Variants in PHRF1 observed in about 807,000 individuals in gnomAD.
PHRF1 encodes PHD and ring finger domains 1, also known as PHD and RING finger domain-containing protein 1.
PHRF1 carries 53 observed loss-of-function variants against 128.9 expected under a neutral mutation model. That is an observed-to-expected ratio of 0.41 (90% confidence interval 0.33 to 0.52). The LOEUF (loss-of-function observed/expected upper bound fraction) is 0.52. Among genes scored for constraint, PHRF1 ranks in the 20% least tolerant of loss-of-function variants. The pLI is 0.21. For missense variants in PHRF1, 2,503 were observed against 2,284.5 expected, an observed-to-expected ratio of 1.10 and a Z score of -1.95; for synonymous variants, 1,178 against 980.6, an observed-to-expected ratio of 1.20 and a Z score of -3.76.
At chr11:596,796 A>C in intron 6 of PHRF1, 127 bp from the exon 7 acceptor site, 1 of 709,564 alleles carries the variant, frequency 1.4e-6, no homozygotes, top group Non-Finnish European at 2.5e-6. Flanking sequence ...GATGTGGGTC[A>C]GCCCATAACA....
At chr11:605,383 G>A in intron 11 of PHRF1, 83 bp downstream of exon 11, 3 of 1,541,792 alleles carry the variant, frequency 1.9e-6, no homozygotes, top group Non-Finnish European at 2.6e-6. Context: ...GGTGCATGCG[G>A]AGGCGTTAGG....
Position 612,026 on chromosome 11 carries a change from A to T in PHRF1, c.*249A>T. The T allele has an allele frequency of 1.9e-6, 1 of 522,222 alleles. No homozygotes were observed. The highest frequency in any genetic ancestry group is 1.9e-5 in the African/African-American group (1 of 52,084). 32.3% of individuals were successfully genotyped at this position (522,222 alleles called of 1,614,324 possible). A position where few individuals can be genotyped will look rare whatever the true frequency, so the allele number is the denominator to read the frequency against. ...TGTATATTATAGAGACACTGTTTCC[A>T]TTCTAATTTATCAAAAATGGATTAT... On this transcript the variant is annotated 3_prime_UTR_variant, in exon 18 of 18. Coordinates refer to ENST00000264555, the MANE Select transcript of PHRF1 (RefSeq NM_001286581.2).
rs1021210090 is a variant in PHRF1, at chr11:606,520, G to C, written c.1533G>C (p.Ser511=). The C allele has an allele frequency of 4.3e-6, 7 of 1,609,610 alleles. No individual in the cohort carries two copies. The East Asian group carries it at 8.9e-5, about 20-fold the overall frequency. ...CTGACCTGCTGGGCAGCATCCTGTC[G>C]GGCCAGAGCCTCCTGATGCTGGGCA... ...PVPDLLGSIL[S]GQSLLMLGSS... is the part of the protein sequence containing the mutation. Residue 511 remains serine, a synonymous_variant, in exon 13 of 18, where the codon TCG becomes TCC. Transcript: ENST00000264555.
chr11:595,765 T>G (rs1855239741), intron 6 of PHRF1, among the ~76,000 whole-genome samples: 1 of 152,252 alleles, frequency 6.6e-6, no homozygotes, highest in Admixed American at 6.5e-5. Context: ...GAAAGTGGGT[T>G]GGACGTTTTC....
chr11:599,253 C>CTTTTTTTTTTTTTTTTTT (rs754658303), intron 9 of PHRF1, among the ~76,000 whole-genome samples: 149 of 104,960 alleles, frequency 1.4e-3, no homozygotes, highest in Non-Finnish European at 1.8e-3. Context: ...TTTTTCTTTT[C>CTTTTTTTTTTTTTTTTTT]TTTTTTTTTT....
At position 605,857 on chromosome 11, in the gene PHRF1, G is replaced by A. The variant is rs7943961; in HGVS notation, c.1454+133G>A. 8.3e-3 allele frequency: 11,147 copies of A among 1,350,114 alleles called. 748 individuals carry two copies. The African/African-American group carries it at 0.14, about 17-fold the overall frequency. 83.6% of individuals were successfully genotyped at this position (1,350,114 alleles called of 1,614,324 possible). ...GTCAGCACCTCCCCTCAGCTGTCAT[G>A]CTCATCAGTCGGCCCTTGGCGTGAG... On this transcript the variant is annotated intron_variant, in intron 12 of 17. Coordinates refer to ENST00000264555, the MANE Select transcript of PHRF1 (RefSeq NM_001286581.2).
rs758596054 is a variant in PHRF1 at position 608,922 on chromosome 11, C to T, written c.3466C>T (p.Arg1156Ter). 1 of 1,612,024 alleles carries T rather than the reference C, an allele frequency of 6.2e-7. No homozygotes were observed. Among genetic ancestry groups the T allele is most frequent in the Non-Finnish European group, 8.5e-7 (1 of 1,179,716 alleles). Reference sequence around the variant, plus strand: ...CAGGAAGGAGAGTGTGGCGTGGCCCCGAGACCGGAGGAAGCGGAGGTCCCG... The same window carrying T: ...CAGGAAGGAGAGTGTGGCGTGGCCCTGAGACCGGAGGAAGCGGAGGTCCCG... Reference protein sequence around the residue: ...PDRKESVAWPRDRRKRRSRSP... With the variant: ...PDRKESVAWP The change falls in exon 14 of 18, where the codon CGA (arginine) becomes TGA (stop). Residue 1156 changes from arginine to a stop codon, truncating the protein, a stop_gained. Coordinates refer to ENST00000264555, the MANE Select transcript of PHRF1 (RefSeq NM_001286581.2). LOFTEE classifies it high-confidence loss of function.
chr11:585,199 T>C (rs564184155), intron 3 of PHRF1, among the ~76,000 whole-genome samples: 15 of 152,300 alleles, frequency 9.8e-5, no homozygotes, highest in Admixed American at 7.2e-4. Flanking sequence ...TGGAAATCAC[T>C]TGTTACACTG....
In PHRF1 at chr11:609,486, C is replaced by A. The variant is rs751619796; in HGVS notation, c.4030C>A (p.Pro1344Thr). The A allele has an allele frequency of 3.7e-6, 6 of 1,605,056 alleles. No homozygotes were observed. The South Asian group carries it at 6.6e-5, about 18-fold the overall frequency. ...PPPLPEGTQE[P>T]HLLRPDAAEK... ...ACCCCTGCCAGAGGGCACCCAGGAG[C>A]CACATTTGCTCAGGCCGGACGCGGC... Residue 1344 changes from proline (P) to threonine (T), a missense_variant, in exon 14 of 18, where the codon CCA becomes ACA. Transcript: ENST00000264555.
chr11:611,214 G>A (rs1056788242), intron 17 of PHRF1, 132 bp downstream of exon 17: 2 of 1,420,294 alleles, frequency 1.4e-6, no homozygotes, highest in Non-Finnish European at 9.5e-7. Context: ...GGGGTCAGGG[G>A]GCTGTATTGC....
At position 581,536 on chromosome 11, in the gene PHRF1, G is replaced by A. The variant is rs769838138; in HGVS notation, c.24G>A (p.Glu8=). MDDDSLD[E]LVARSPGPDG... ...CAATGGATGACGACAGCCTGGATGAGCTTGTGGCCCGGAGCCCAGGGCCGG... is the reference window on the plus strand; with the variant it reads ...CAATGGATGACGACAGCCTGGATGAACTTGTGGCCCGGAGCCCAGGGCCGG... The change falls in exon 2 of 18, where the codon GAG becomes GAA. Residue 8 remains glutamate, a synonymous_variant. Transcript: ENST00000264555. 3.7e-6 allele frequency: 6 copies of A among 1,613,516 alleles called. No homozygotes were observed. The highest frequency in any genetic ancestry group is 5.1e-6 in the Non-Finnish European group (6 of 1,179,886).
At chr11:592,834 T>C (rs1207908173) in intron 6 of PHRF1, among the ~76,000 whole-genome samples, 160 bp downstream of exon 6, 1 of 152,254 alleles carries the variant, frequency 6.6e-6, no homozygotes, top group Admixed American at 6.5e-5. Flanking sequence ...CGGGCCTTCC[T>C]GTTACACTCA....
In PHRF1 at chr11:607,326, T is replaced by A. The variant is rs746273197; in HGVS notation, c.1870T>A (p.Phe624Ile). 2.2e-5 allele frequency: 36 copies of A among 1,612,538 alleles called. No individual in the cohort carries two copies. The East Asian group carries it at 8.0e-4, about 36-fold the overall frequency. ...RNLSNGSVPG[F>I]RQSHSPWFNG... ...CTTGTCAAATGGGAGTGTGCCTGGC[T>A]TCAGACAGAGCCACAGCCCCTGGTT... is the stretch of plus-strand genomic sequence containing the variant. The change falls in exon 14 of 18, where the codon TTC (phenylalanine) becomes ATC (isoleucine). Residue 624 changes from phenylalanine to isoleucine, a missense_variant. Coordinates refer to ENST00000264555, the MANE Select transcript of PHRF1 (RefSeq NM_001286581.2).
chr11:591,192 C>T (rs554298191), intron 4 of PHRF1, among the ~76,000 whole-genome samples, 192 bp from the exon 5 acceptor site: 1 of 152,328 alleles, frequency 6.6e-6, no homozygotes, highest in African/African-American at 2.4e-5. Context: ...TCTTTCCTCC[C>T]CGCTAGGGCT....
chr11:605,350 G>C (rs369901785), intron 11 of PHRF1, 50 bp downstream of exon 11: 1 of 1,597,150 alleles, frequency 6.3e-7, no homozygotes, highest in African/African-American at 1.3e-5. Flanking sequence ...CTCTCCCTGG[G>C]GGCTGTGGGC....
chr11:599,835 C>T (rs772282770), intron 9 of PHRF1, among the ~76,000 whole-genome samples: 14 of 151,468 alleles, frequency 9.2e-5, no homozygotes, highest in Admixed American at 4.6e-4. Context: ...GGGGTCTCGG[C>T]GTCTGTGGGT....
rs772093175 is a variant in PHRF1 at position 607,244 on chromosome 11, G to A, written c.1788G>A (p.Ala596=). 9.9e-6 allele frequency: 16 copies of A among 1,612,284 alleles called. No individual in the cohort carries two copies. The highest frequency in any genetic ancestry group is 8.8e-5 in the South Asian group (8 of 91,072). Reference sequence around the variant, plus strand: ...GGTCCCGCACCCCCGCCCGCACCGCGGGGGCGCCTGTGAGGCTGGACTTGC... The same window carrying A: ...GGTCCCGCACCCCCGCCCGCACCGCAGGGGCGCCTGTGAGGCTGGACTTGC... The part of the protein sequence containing the change: ...QGRSRTPART[A]GAPVRLDLPA... The change falls in exon 14 of 18, where the codon GCG becomes GCA. Residue 596 remains alanine, a synonymous_variant. Transcript: ENST00000264555.
At chr11:580,965 A>G (rs922135313) in intron 1 of PHRF1, among the ~76,000 whole-genome samples, 1 of 152,110 alleles carries the variant, frequency 6.6e-6, no homozygotes, top group Non-Finnish European at 1.5e-5. Flanking sequence ...CTGGGGTTAC[A>G]GGCGTGAGCA....
rs577471163 is a variant in PHRF1, at chr11:580,056, C to T, written c.-21-1436C>T. Reference sequence around the variant, plus strand: ...CCTGAACTCGAGGGCAGCTCTGGCCCCCTACTTCCTGGCCTCTTGTGCGAT... The same window carrying T: ...CCTGAACTCGAGGGCAGCTCTGGCCTCCTACTTCCTGGCCTCTTGTGCGAT... On this transcript the variant is annotated intron_variant, in intron 1 of 17. Coordinates refer to ENST00000264555, the MANE Select transcript of PHRF1 (RefSeq NM_001286581.2). Among the ~76,000 whole-genome samples the T allele has an allele frequency of 1.9e-4, 29 of 152,274 alleles. No individual in the cohort carries two copies. The South Asian group carries it at 5.6e-3, about 29-fold the overall frequency.
Sources: gnomAD v4.1 joint callset for allele counts (sites outside exome capture counted in the v4.1 genomes callset) on GRCh38, gnomAD v4.1.1 for gene constraint, MANE v1.5 for transcripts, NCBI Gene and HGNC (gene_info 2026-07-23, HGNC 2026-07-21) for gene names.